ARK2C: variants seen among roughly 807,000 people sequenced by gnomAD.
The protein encoded by ARK2C is E3 ubiquitin-protein ligase ARK2C.
chr18:46,361,804 G>A, the ARK2C span, among the ~76,000 whole-genome samples: 1 of 152,300 alleles, frequency 6.6e-6, no homozygotes, highest in African/African-American at 2.4e-5. Context: ...GCTCCTGAGT[G>A]AATGAGACTC....
At chr18:46,450,164 G>A in the ARK2C span, 3 of 680,598 alleles carry the variant, frequency 4.4e-6, no homozygotes, top group Non-Finnish European at 8.1e-6. Flanking sequence ...GGACATAAGA[G>A]CAGGAAAGAC....
the ARK2C span, among the ~76,000 whole-genome samples, chr18:46,403,391 C>T: frequency 1.3e-5 from 2 of 152,122 alleles, no homozygotes; most frequent in Non-Finnish European, 2.9e-5. Flanking sequence ...CCCTCCCTGC[C>T]CCCCGTCTCC....
chr18:46,334,450 G>A, the ARK2C span: 2 of 850,414 alleles, frequency 2.4e-6, no homozygotes, highest in East Asian at 6.6e-5. This position sits in a 1 kb window ranked among gnomAD's most constrained non-coding sequence, Gnocchi z 4.4. Context: ...AGGACGCAGG[G>A]CGAGCGGTGG....
the ARK2C span, among the ~76,000 whole-genome samples, chr18:46,400,182 G>A: frequency 1.3e-5 from 2 of 152,086 alleles, no homozygotes; most frequent in Non-Finnish European, 2.9e-5. Context: ...GGATATTCCC[G>A]ACCCTCATGC....
chr18:46,405,064 A>G, the ARK2C span, among the ~76,000 whole-genome samples: 9 of 152,086 alleles, frequency 5.9e-5, no homozygotes, highest in African/African-American at 1.9e-4. Context: ...TTTTTTGGTA[A>G]GGCTCATCAT....
chr18:46,439,238 G>C, the ARK2C span, among the ~76,000 whole-genome samples: 1 of 152,210 alleles, frequency 6.6e-6, no homozygotes, highest in Non-Finnish European at 1.5e-5. Context: ...GGCTTTGTTG[G>C]GTTTTTCCCT....
the ARK2C span, among the ~76,000 whole-genome samples, chr18:46,405,069 C>T: frequency 5.9e-5 from 9 of 152,008 alleles, no homozygotes; most frequent in African/African-American, 1.9e-4. Flanking sequence ...TGGTAAGGCT[C>T]ATCATAGAAC....
chr18:46,370,254 C>G, the ARK2C span, among the ~76,000 whole-genome samples: 24 of 152,186 alleles, frequency 1.6e-4, no homozygotes, highest in Admixed American at 1.2e-3. Context: ...TCTCTATAGG[C>G]AGGGGAGGGG....
At chr18:46,334,404 C>G in the ARK2C span, 1 of 1,433,262 alleles carries the variant, frequency 7.0e-7, no homozygotes, top group Non-Finnish European at 9.4e-7. The surrounding 1 kb of genome is among the most constrained non-coding windows in gnomAD (Gnocchi z 4.4). Flanking sequence ...CGGGGGCGGG[C>G]GCCGCGGGCG....
the ARK2C span, among the ~76,000 whole-genome samples, chr18:46,449,694 T>C: frequency 2.3e-4 from 35 of 152,338 alleles, no homozygotes; most frequent in South Asian, 6.4e-3. Flanking sequence ...CCCATTCGCT[T>C]GGCACTCATT....
the ARK2C span, among the ~76,000 whole-genome samples, chr18:46,443,433 A>T: frequency 5.3e-5 from 8 of 152,226 alleles, no homozygotes; most frequent in African/African-American, 1.7e-4. Flanking sequence ...TTACAACAGC[A>T]TACTTCCATT....
the ARK2C span, among the ~76,000 whole-genome samples, chr18:46,361,739 C>A: frequency 2.6e-5 from 4 of 152,158 alleles, no homozygotes; most frequent in African/African-American, 9.7e-5. Context: ...CTATCCCCTC[C>A]CCAGGCGGGA....
the ARK2C span, among the ~76,000 whole-genome samples, chr18:46,437,881 C>T: frequency 2.6e-5 from 4 of 152,188 alleles, no homozygotes; most frequent in Non-Finnish European, 2.9e-5. Flanking sequence ...GTACCTGGGA[C>T]CTGTGGGCAG....
At chr18:46,370,522 G>A in the ARK2C span, among the ~76,000 whole-genome samples, 1 of 152,192 alleles carries the variant, frequency 6.6e-6, no homozygotes, top group African/African-American at 2.4e-5. Flanking sequence ...GTCCTTGGCT[G>A]TAGGGAAAAC....
At chr18:46,335,167 C>G in the ARK2C span, 1 of 152,380 alleles carries the variant, frequency 6.6e-6, no homozygotes, top group East Asian at 1.9e-4. Flanking sequence ...GCGGGGCGTC[C>G]GGCCCTTGGG....
chr18:46,457,199 T>C, the ARK2C span: 1 of 152,348 alleles, frequency 6.6e-6, no homozygotes, highest in East Asian at 1.9e-4. Context: ...ACAGCCCCAA[T>C]CTTCCCGTCT....
chr18:46,419,023 T>C, the ARK2C span, among the ~76,000 whole-genome samples: 30 of 152,372 alleles, frequency 2.0e-4, no homozygotes, highest in South Asian at 1.5e-3. Flanking sequence ...GATTCCCTCC[T>C]GGAGAATTTT....
At chr18:46,433,668 G>A in the ARK2C span, among the ~76,000 whole-genome samples, 1 of 152,226 alleles carries the variant, frequency 6.6e-6, no homozygotes, top group African/African-American at 2.4e-5. Flanking sequence ...TGGCCTGGCC[G>A]GCAGTCACCA....
At chr18:46,448,777 G>A in the ARK2C span, among the ~76,000 whole-genome samples, 1 of 152,172 alleles carries the variant, frequency 6.6e-6, no homozygotes, top group Non-Finnish European at 1.5e-5. Flanking sequence ...GACATTGCAA[G>A]CTGCATGGAA....
Sources: gnomAD v4.1 joint callset for allele counts (sites outside exome capture counted in the v4.1 genomes callset) on GRCh38, gnomAD v4.1.1 for gene constraint, Gnocchi (gnomAD v3.1) non-coding constraint, MANE v1.5 for transcripts, NCBI Gene and HGNC (gene_info 2026-07-23, HGNC 2026-07-21) for gene names.